Variants in LRRC8A observed in about 807,000 individuals in gnomAD.
The protein encoded by LRRC8A is volume-regulated anion channel subunit LRRC8A.
In LRRC8A, 24 loss-of-function variants were observed where a neutral mutation model predicts 52.5. The ratio of observed to expected loss-of-function variants is 0.46; its 90% confidence interval spans 0.33 to 0.64. LRRC8A has a LOEUF of 0.64. LRRC8A is among the 30% of genes least tolerant of loss of function. The probability of loss-of-function intolerance (pLI) is 0.02; values close to 1 mark genes in which losing one functional copy is unlikely to be tolerated. For synonymous variants in LRRC8A, 492 were observed against 494.2 expected (o/e 1.00, Z 0.06); for missense variants, 677 against 1,094.7 (o/e 0.62, Z 5.38).
In LRRC8A at chr9:128,908,331, C is replaced by T; in HGVS notation, c.1167C>T (p.Arg389=). 1 of 1,614,136 alleles carries T rather than the reference C, an allele frequency of 6.2e-7. No individual in the cohort carries two copies. Among genetic ancestry groups the T allele is most frequent in the Non-Finnish European group, 8.5e-7 (1 of 1,180,046 alleles). Residue 389 remains arginine (R), a synonymous_variant, in exon 3 of 4, where the codon CGC becomes CGT. Coordinates refer to ENST00000372600, the MANE Select transcript of LRRC8A (RefSeq NM_019594.4). ...IDQYDPLYSK[R]FAVFLSEVSE... Reference sequence around the variant, plus strand: ...AATACGACCCGCTCTACTCCAAGCGCTTCGCCGTCTTCCTGTCGGAGGTGA... The same window carrying T: ...AATACGACCCGCTCTACTCCAAGCGTTTCGCCGTCTTCCTGTCGGAGGTGA...
At chr9:128,893,651 C>T (rs1022073520) in intron 2 of LRRC8A, among the ~76,000 whole-genome samples, 1 of 152,054 alleles carries the variant, frequency 6.6e-6, no homozygotes, top group African/African-American at 2.4e-5. Flanking sequence ...GTACGGATGG[C>T]AGCTACGCAT....
chr9:128,900,599 T>C (rs1402452615), intron 2 of LRRC8A, among the ~76,000 whole-genome samples: 2 of 151,844 alleles, frequency 1.3e-5, no homozygotes, highest in Non-Finnish European at 2.9e-5. Context: ...TCCTAGCTAC[T>C]CAGGAGACTG....
chr9:128,908,142 C>G lies in LRRC8A; in HGVS notation c.978C>G (p.Ile326Met). 6.2e-7 allele frequency: 1 copy of G among 1,614,066 alleles called. No homozygotes were observed. Among genetic ancestry groups the G allele is most frequent in the Non-Finnish European group, 8.5e-7 (1 of 1,180,038 alleles). The change falls in exon 3 of 4, where the codon ATC (isoleucine) becomes ATG (methionine). Residue 326 changes from isoleucine (I) to methionine (M), a missense_variant. Around this residue, in one of 4 missense-constraint regions of LRRC8A, gnomAD observed 422 missense variants for 741.5 expected, o/e 0.57. Coordinates refer to ENST00000372600, the MANE Select transcript of LRRC8A (RefSeq NM_019594.4). ...TLFKILASFYISLVIFYGLIC... is the reference protein window; with the variant it reads ...TLFKILASFYMSLVIFYGLIC... ...TCAAGATCCTGGCGTCCTTCTACAT[C>G]AGCCTAGTCATCTTCTACGGCCTCA...
chr9:128,902,130 G>A lies in LRRC8A; in HGVS notation c.-8-5027G>A, dbSNP rs999404713. ...CCCAGGCTCTGCCATTGGAACCCCA[G>A]GGCCCTCCTCCACTCCCCAGACACA... On this transcript the variant is annotated intron_variant, in intron 2 of 3. Coordinates refer to ENST00000372600, the MANE Select transcript of LRRC8A (RefSeq NM_019594.4). The surrounding 1 kb of genome is among the most constrained non-coding windows in gnomAD (Gnocchi z 4.1). Among the ~76,000 whole-genome samples the A allele has an allele frequency of 6.6e-6, 1 of 152,208 alleles. No individual in the cohort carries two copies. The highest frequency in any genetic ancestry group is 2.4e-5 in the African/African-American group (1 of 41,460).
intron 1 of LRRC8A, 163 bp downstream of exon 1, chr9:128,882,413 G>A: frequency 3.4e-6 from 1 of 296,932 alleles, no homozygotes; most frequent in Non-Finnish European, 6.2e-6. Context: ...CTACCTCTGG[G>A]CTCCCCAGTG....
At chr9:128,897,901 CA>C (rs1328030247) in intron 2 of LRRC8A, among the ~76,000 whole-genome samples, 4 of 148,066 alleles carry the variant, frequency 2.7e-5, no homozygotes, top group East Asian at 2.0e-4. Context: ...AAATAGAGGG[CA>C]GGGGCAGTGG....
chr9:128,901,703 G>T (rs1450826369), intron 2 of LRRC8A, among the ~76,000 whole-genome samples: 1 of 152,184 alleles, frequency 6.6e-6, no homozygotes, highest in African/African-American at 2.4e-5. Flanking sequence ...CTTGTCCAAG[G>T]TCCCACAGAG....
intron 1 of LRRC8A, among the ~76,000 whole-genome samples, chr9:128,884,430 T>G (rs1839308275): frequency 6.6e-6 from 1 of 152,178 alleles, no homozygotes; most frequent in Non-Finnish European, 1.5e-5. Context: ...CAGCCATTCT[T>G]TAGAAAGTGC....
rs2130953976 is a variant in LRRC8A, at chr9:128,892,844, A to G, written c.-9+6723A>G. On this transcript the variant is annotated intron_variant, in intron 2 of 3. Transcript: ENST00000372600. This position sits in a 1 kb window ranked among gnomAD's most constrained non-coding sequence, Gnocchi z 5.2. ...CCAGCCTTCCCATCTCTGGTACAGG[A>G]GGGGTGCCAACCTCCCGCCTCCCCT... Among the ~76,000 whole-genome samples the G allele has an allele frequency of 6.6e-6, 1 of 152,200 alleles. No homozygotes were observed. The highest frequency in any genetic ancestry group is 2.1e-4 in the South Asian group (1 of 4,828).
intron 2 of LRRC8A, among the ~76,000 whole-genome samples, chr9:128,901,368 T>C (rs1840017819): frequency 6.8e-6 from 1 of 147,296 alleles, no homozygotes; most frequent in Non-Finnish European, 1.5e-5. Flanking sequence ...GGAGGCTGAG[T>C]CAGGGGAATT....
intron 3 of LRRC8A, among the ~76,000 whole-genome samples, chr9:128,914,412 TG>T (rs1442645719): frequency 6.6e-6 from 1 of 151,800 alleles, no homozygotes; most frequent in Non-Finnish European, 1.5e-5. Flanking sequence ...TAGTCCAACC[TG>T]TGCCTTTTAC....
rs1289027355 is a variant in LRRC8A at position 128,902,746 on chromosome 9, T to C, written c.-8-4411T>C. ...AGAAGCTCTCCCAGTGCCACTTTCTTTCCCAGCAGTGTAGGTGGTGCGTGG... is the reference window on the plus strand; with the variant it reads ...AGAAGCTCTCCCAGTGCCACTTTCTCTCCCAGCAGTGTAGGTGGTGCGTGG... On this transcript the variant is annotated intron_variant, in intron 2 of 3. Transcript: ENST00000372600. This position sits in a 1 kb window ranked among gnomAD's most constrained non-coding sequence, Gnocchi z 4.1. Among the ~76,000 whole-genome samples the C allele has an allele frequency of 1.3e-5, 2 of 152,044 alleles. No homozygotes were observed. Among genetic ancestry groups the C allele is most frequent in the Non-Finnish European group, 2.9e-5 (2 of 67,986 alleles).
rs11999752 is a variant in LRRC8A, at chr9:128,909,159, G to A, written c.1995G>A (p.Glu665=). The part of the protein sequence containing the change: ...PIQIGNLTNL[E]RLYLNRNKIE... ...AGATCGGCAACCTCACCAACCTGGAGCGCCTCTACCTGAACCGCAACAAGA... is the reference window on the plus strand; with the variant it reads ...AGATCGGCAACCTCACCAACCTGGAACGCCTCTACCTGAACCGCAACAAGA... The change falls in exon 3 of 4, where the codon GAG becomes GAA. Residue 665 remains glutamate (E), a synonymous_variant. Coordinates refer to ENST00000372600, the MANE Select transcript of LRRC8A (RefSeq NM_019594.4). 1.4e-3 allele frequency: 2,250 copies of A among 1,614,124 alleles called. 11 individuals are homozygous for A. The African/African-American group carries it at 0.015, about 11-fold the overall frequency.
chr9:128,882,674 G>C (rs1400674350), intron 1 of LRRC8A: 2 of 398,992 alleles, frequency 5.0e-6, no homozygotes, highest in Non-Finnish European at 8.8e-6. Context: ...GTCTTCTCCT[G>C]AGTTCCTGGT....
intron 3 of LRRC8A, among the ~76,000 whole-genome samples, chr9:128,914,767 G>A (rs564503147): frequency 1.3e-5 from 2 of 152,352 alleles, no homozygotes; most frequent in African/African-American, 4.8e-5. Flanking sequence ...GGACGGGCAG[G>A]CTCAACTCAT....
At position 128,902,841 on chromosome 9, in the gene LRRC8A, G is replaced by T. The variant is rs1166032744; in HGVS notation, c.-8-4316G>T. ...TGCTTGCCCTGGCCCGTGAGTCCTG[G>T]CATCACTAGGAGGACTGACTTCTGG... On this transcript the variant is annotated intron_variant, in intron 2 of 3. Coordinates refer to ENST00000372600, the MANE Select transcript of LRRC8A (RefSeq NM_019594.4). This position sits in a 1 kb window ranked among gnomAD's most constrained non-coding sequence, Gnocchi z 4.1. Among the ~76,000 whole-genome samples, 1 of 152,168 alleles carries T rather than the reference G, an allele frequency of 6.6e-6. No individual in the cohort carries two copies.
intron 2 of LRRC8A, among the ~76,000 whole-genome samples, chr9:128,887,136 T>C (rs934401982): frequency 6.6e-6 from 1 of 152,130 alleles, no homozygotes; most frequent in Non-Finnish European, 1.5e-5. Flanking sequence ...AACATAGTTG[T>C]ATATTCATTA....
rs766782363 is a variant in LRRC8A at position 128,916,226 on chromosome 9, G to C, written c.2288G>C (p.Gly763Ala). The change falls in exon 4 of 4, where the codon GGC becomes GCC. Residue 763 changes from glycine (G) to alanine (A), a missense_variant. Physicochemically the swap from Gly to Ala is moderately conservative, Grantham distance 60. Coordinates refer to ENST00000372600, the MANE Select transcript of LRRC8A (RefSeq NM_019594.4). This position sits in a 1 kb window ranked among gnomAD's most constrained non-coding sequence, Gnocchi z 6.1. ...LTNLTQIELR[G>A]NRLECLPVEL... ...AACCTGACGCAGATCGAGCTGCGGG[G>C]CAACCGGCTGGAGTGCCTGCCTGTG... is the stretch of plus-strand genomic sequence containing the variant. 74 of 1,613,512 alleles carry C rather than the reference G, an allele frequency of 4.6e-5. No individual in the cohort carries two copies. Among genetic ancestry groups the C allele is most frequent in the Non-Finnish European group, 6.3e-5 (74 of 1,179,994 alleles).
intron 2 of LRRC8A, among the ~76,000 whole-genome samples, chr9:128,890,154 G>GTT (rs1839552831): frequency 6.6e-6 from 1 of 151,300 alleles, no homozygotes; most frequent in African/African-American, 2.4e-5. Context: ...GTGTGTGTGT[G>GTT]TGTGTGTGTG....
Sources: allele counts gnomAD v4.1 joint callset (sites outside exome capture counted in the v4.1 genomes callset), GRCh38; gene constraint gnomAD v4.1.1; regional missense constraint gnomAD v4.1.1; non-coding constraint Gnocchi (gnomAD v3.1); transcripts MANE v1.5; gene names NCBI Gene and HGNC (gene_info 2026-07-23, HGNC 2026-07-21).